Variants in ABCA7 observed in about 807,000 individuals in gnomAD.
ABCA7 encodes ATP binding cassette subfamily A member 7.
In ABCA7, 261 loss-of-function variants were observed where a neutral mutation model predicts 227.6. The ratio of observed to expected loss-of-function variants is 1.15; its 90% CI spans 1.04 to 1.27. The LOEUF is 1.27. Among genes scored for constraint, ABCA7 ranks in the 50% most tolerant of loss-of-function variants. ABCA7 has a pLI of 0.00. For synonymous variants in ABCA7, 1,488 were observed against 1,279.7 expected, an observed-to-expected ratio of 1.16 and a Z score of -3.47; for missense variants, 3,331 against 2,924.5, an observed-to-expected ratio of 1.14 and a Z score of -3.21.
Position 1,063,545 on chromosome 19 carries a change from C to T in ABCA7, c.5714C>T (p.Thr1905Ile). The T allele has an allele frequency of 6.2e-7, 1 of 1,610,426 alleles. No individual in the cohort carries two copies. Among genetic ancestry groups the T allele is most frequent in the Non-Finnish European group, 8.5e-7 (1 of 1,179,862 alleles). The change falls in exon 43 of 47, where the codon ACC becomes ATC. Residue 1905 changes from threonine (T) to isoleucine (I), a missense_variant and splice_region_variant. Physicochemically the swap from Thr to Ile is moderately conservative, Grantham distance 89. Coordinates refer to ENST00000263094, the MANE Select transcript of ABCA7 (RefSeq NM_019112.4). ...GCCTACTCTGGCCCCACCCCACAGA[C>T]CGCTGGCTCGGGCCTGGCGCGTCTG... ...RGVPEAQVAQ[T>I]AGSGLARLGL...
At chr19:1,057,496 T>A in intron 35 of ABCA7, 67 bp downstream of exon 35, 9 of 1,430,110 alleles carry the variant, frequency 6.3e-6, no homozygotes, top group Non-Finnish European at 8.9e-6. Context: ...TTAATGCTGC[T>A]GAGATAGAAC....
rs2144710952 is a variant in ABCA7 at position 1,045,132 on chromosome 19, C to G, written c.1346C>G (p.Pro449Arg). Residue 449 changes from proline to arginine, a missense_variant, in exon 12 of 47, where the codon CCC becomes CGC. By Grantham distance (103) the Pro-to-Arg change is moderately radical. Transcript: ENST00000263094. Reference sequence around the variant, plus strand: ...TTGGGACCTGAGGACTCTTCAGACCCCACAGAGCACCCAACCCCAGACCTG... The same window carrying G: ...TTGGGACCTGAGGACTCTTCAGACCGCACAGAGCACCCAACCCCAGACCTG... ...VFLGPEDSSD[P>R]TEHPTPDLGP... 1 of 1,612,958 alleles carries G rather than the reference C, an allele frequency of 6.2e-7. No homozygotes were observed. The highest frequency in any genetic ancestry group is 8.5e-7 in the Non-Finnish European group (1 of 1,180,004).
In ABCA7 at chr19:1,042,087, C is replaced by T. The variant is rs374854257; in HGVS notation, c.326C>T (p.Ala109Val). ...AGGGTCTCCCGGCTGCTAGCCGATG[C>T]CCGCACTGTGCTGGGAGGGGCCAGT... ...DSLVSRLLADARTVLGGASAH... is the reference protein window; with the variant it reads ...DSLVSRLLADVRTVLGGASAH... The change falls in exon 5 of 47, where the codon GCC (alanine) becomes GTC (valine). Residue 109 changes from alanine (A) to valine (V), a missense_variant. Coordinates refer to ENST00000263094, the MANE Select transcript of ABCA7 (RefSeq NM_019112.4). 2.5e-6 allele frequency: 4 copies of T among 1,596,710 alleles called. No individual in the cohort carries two copies. The African/African-American group carries it at 4.0e-5, about 16-fold the overall frequency.
Position 1,054,181 on chromosome 19 carries a change from C to A in ABCA7, c.3578-12C>A. 6.2e-7 allele frequency: 1 copy of A among 1,610,614 alleles called. No homozygotes were observed. Among genetic ancestry groups the A allele is most frequent in the South Asian group, 1.1e-5 (1 of 90,896 alleles). On this transcript the variant is annotated splice_polypyrimidine_tract_variant and intron_variant, in intron 26 of 46. Coordinates refer to ENST00000263094, the MANE Select transcript of ABCA7 (RefSeq NM_019112.4). This position sits in a 1 kb window ranked among gnomAD's most constrained non-coding sequence, Gnocchi z 4.8. Reference sequence around the variant, plus strand: ...ACAGCAGCGTGAGCACTGACCCTCTCATCCCTCACAGCTGGGTCAGCCCCA... The same window carrying A: ...ACAGCAGCGTGAGCACTGACCCTCTAATCCCTCACAGCTGGGTCAGCCCCA...
chr19:1,045,256 G>GGGGGT, intron 12 of ABCA7, 25 bp downstream of exon 12: 2 of 862,026 alleles, frequency 2.3e-6, no homozygotes, highest in Non-Finnish European at 3.7e-6. Context: ...GGGGCGGGGG[G>GGGGGT]ATGAGGGACT....
At chr19:1,042,994 C>G (rs752521800) in intron 7 of ABCA7, 47 bp from the exon 8 acceptor site, 5 of 1,560,352 alleles carry the variant, frequency 3.2e-6, no homozygotes, top group Non-Finnish European at 3.5e-6. Context: ...CTGGTTAGGG[C>G]TTGGAGGTGG....
chr19:1,044,837 C>A, intron 11 of ABCA7, 93 bp downstream of exon 11: 1 of 1,484,938 alleles, frequency 6.7e-7, no homozygotes, highest in Non-Finnish European at 9.0e-7. Context: ...GGGAGGCGGG[C>A]CCGGCCCTAG....
At chr19:1,055,871 C>T in intron 30 of ABCA7, 36 bp from the exon 31 acceptor site, 2 of 1,544,472 alleles carry the variant, frequency 1.3e-6, no homozygotes, top group Non-Finnish European at 1.8e-6. Flanking sequence ...GTCCCACATC[C>T]CTGTCTGCCT....
Position 1,054,015 on chromosome 19 carries a change from G to A in ABCA7, c.3482G>A (p.Cys1161Tyr). 1 of 1,613,256 alleles carries A rather than the reference G, an allele frequency of 6.2e-7. No homozygotes were observed. The highest frequency in any genetic ancestry group is 8.5e-7 in the Non-Finnish European group (1 of 1,179,898). ...CCTGATGGCCCTGCAGATGGCAGCT[G>A]CGGGCAGCACCTATGCACAGGCATT... ...AADTDMEDGSCGQHLCTGIAG... is the reference protein window; with the variant it reads ...AADTDMEDGSYGQHLCTGIAG... Residue 1161 changes from cysteine to tyrosine, a missense_variant, in exon 26 of 47, where the codon TGC becomes TAC. Transcript: ENST00000263094. This position sits in a 1 kb window ranked among gnomAD's most constrained non-coding sequence, Gnocchi z 4.8.
In ABCA7 at chr19:1,063,551, G is replaced by A. The variant is rs749171045; in HGVS notation, c.5720G>A (p.Gly1907Asp). Residue 1907 changes from glycine to aspartate, a missense_variant, in exon 43 of 47, where the codon GGC (glycine) becomes GAC (aspartate). Transcript: ENST00000263094. Reference sequence around the variant, plus strand: ...TCTGGCCCCACCCCACAGACCGCTGGCTCGGGCCTGGCGCGTCTGGGACTC... The same window carrying A: ...TCTGGCCCCACCCCACAGACCGCTGACTCGGGCCTGGCGCGTCTGGGACTC... ...VPEAQVAQTAGSGLARLGLSW... is the reference protein window; with the variant it reads ...VPEAQVAQTADSGLARLGLSW... The A allele has an allele frequency of 1.7e-5, 28 of 1,610,350 alleles. No individual in the cohort carries two copies. The South Asian group carries it at 3.1e-4, about 18-fold the overall frequency.
chr19:1,047,001 G>T lies in ABCA7; in HGVS notation c.1822G>T (p.Ala608Ser), dbSNP rs1021101046. The T allele has an allele frequency of 2.5e-6, 4 of 1,574,190 alleles. No individual in the cohort carries two copies. The African/African-American group carries it at 5.4e-5, about 21-fold the overall frequency. Residue 608 changes from alanine to serine, a missense_variant, in exon 14 of 47, where the codon GCA becomes TCA. Coordinates refer to ENST00000263094, the MANE Select transcript of ABCA7 (RefSeq NM_019112.4). ...CCTCGGGCCCTTCCTGCTCAGCGCC[G>T]CACTGCTGGTTCTGGTGCTCAAGGT... Reference protein sequence around the residue: ...SCLGPFLLSAALLVLVLKLGD... With the variant: ...SCLGPFLLSASLLVLVLKLGD...
intron 16 of ABCA7, among the ~76,000 whole-genome samples, chr19:1,048,298 G>C (rs970408462): frequency 2.0e-5 from 3 of 149,570 alleles, no homozygotes; most frequent in African/African-American, 7.4e-5. Context: ...GGGATTTCGA[G>C]ACCAGCCTGA....
chr19:1,061,674 G>A, intron 40 of ABCA7, 108 bp from the exon 41 acceptor site: 3 of 1,076,684 alleles, frequency 2.8e-6, no homozygotes, highest in Non-Finnish European at 4.0e-6. Flanking sequence ...AGTCCAGCCT[G>A]GGAAACAAGA....
rs779045406 is a variant in ABCA7, at chr19:1,049,279, G to A, written c.2394G>A (p.Glu798=). The A allele has an allele frequency of 1.2e-6, 2 of 1,606,584 alleles. No individual in the cohort carries two copies. Among genetic ancestry groups the A allele is most frequent in the Non-Finnish European group, 1.7e-6 (2 of 1,176,018 alleles). ...CCATCTCTGCAGTGCTGGTAGAAGA[G>A]GCACCGCCCGGCCTGAGTCCTGGCG... ...TPLDPKVLVE[E]APPGLSPGVS... Residue 798 remains glutamate (E), a synonymous_variant, in exon 18 of 47, where the codon GAG becomes GAA. Transcript: ENST00000263094.
chr19:1,049,223 G>T, intron 17 of ABCA7, 43 bp from the exon 18 acceptor site: 10 of 1,551,862 alleles, frequency 6.4e-6, no homozygotes, highest in Non-Finnish European at 8.7e-6. Flanking sequence ...CAGGCCCCAG[G>T]ACCCCCATGA....
At chr19:1,055,824 C>T in intron 30 of ABCA7, 83 bp from the exon 31 acceptor site, 1 of 1,407,634 alleles carries the variant, frequency 7.1e-7, no homozygotes, top group Non-Finnish European at 9.6e-7. Context: ...TTTGTCCACC[C>T]TTGACTCTGT....
chr19:1,057,572 T>G lies in ABCA7; in HGVS notation c.4880+143T>G, dbSNP rs918739551. The G allele has an allele frequency of 4.5e-6, 4 of 885,504 alleles. No homozygotes were observed. In the Admixed American group the frequency reaches 9.1e-5, roughly 20 times the overall value. The allele number at this position is 885,504 out of a possible 1,614,324, so 54.9% of individuals were successfully genotyped here. A position where few individuals can be genotyped will look rare whatever the true frequency, so the allele number is the denominator to read the frequency against. On this transcript the variant is annotated intron_variant, in intron 35 of 46. Transcript: ENST00000263094. ...TGATGCCGTGTGTGATCCAATTCAG[T>G]GGTGTGCCAAGGTGGCCTTAAAAGC...
At chr19:1,045,417 A>G (rs1362815560) in intron 12 of ABCA7, 186 bp downstream of exon 12, 4 of 634,952 alleles carry the variant, frequency 6.3e-6, no homozygotes, top group Non-Finnish European at 1.1e-5. Context: ...GGCGGGGCCT[A>G]GGTGCATGAG....
In ABCA7 at chr19:1,045,047, C is replaced by T. The variant is rs766877133; in HGVS notation, c.1261C>T (p.Leu421=). Residue 421 remains leucine (L), a synonymous_variant, in exon 12 of 47, where the codon CTG becomes TTG. Coordinates refer to ENST00000263094, the MANE Select transcript of ABCA7 (RefSeq NM_019112.4). ...KLEAAPSEAA[L]VSRALQLLAE... ...GGAGGCGGCACCCTCAGAGGCAGCC[C>T]TGGTGTCGCGGGCCCTGCAACTGCT... 10 of 1,612,796 alleles carry T rather than the reference C, an allele frequency of 6.2e-6. No homozygotes were observed. Among genetic ancestry groups the T allele is most frequent in the Non-Finnish European group, 8.5e-6 (10 of 1,179,976 alleles).
Sources: gnomAD v4.1 joint callset for allele counts (sites outside exome capture counted in the v4.1 genomes callset) on GRCh38, gnomAD v4.1.1 for gene constraint, Gnocchi (gnomAD v3.1) non-coding constraint, MANE v1.5 for transcripts, NCBI Gene and HGNC (gene_info 2026-07-23, HGNC 2026-07-21) for gene names.